The following DOCK8 variants were observed in gnomAD, a reference collection of about 807,000 sequenced individuals.
DOCK8 encodes dedicator of cytokinesis protein 8.
A neutral mutation model predicts 245.6 loss-of-function variants in DOCK8; 141 were observed. That is an observed-to-expected ratio of 0.57 (90% CI 0.50 to 0.66). DOCK8 has a LOEUF of 0.66. DOCK8 is among the 30% of genes least tolerant of loss of function. The probability of loss-of-function intolerance (pLI) is 0.00; values close to 1 mark genes in which losing one functional copy is unlikely to be tolerated. For synonymous variants in DOCK8, 1,168 were observed against 970.2 expected (o/e 1.20, Z -3.79); for missense variants, 2,965 against 2,603.4 (o/e 1.14, Z -3.02).
In DOCK8 at chr9:414,790, A is replaced by G; in HGVS notation, c.3539A>G (p.Lys1180Arg). The G allele has an allele frequency of 6.2e-7, 1 of 1,614,232 alleles. No individual in the cohort carries two copies. The highest frequency in any genetic ancestry group is 2.2e-5 in the East Asian group (1 of 44,892). Residue 1180 changes from lysine (K) to arginine (R), a missense_variant, in exon 29 of 48, where the codon AAA becomes AGA. By Grantham distance (26) the Lys-to-Arg change is conservative. Around this residue, in one of 3 missense-constraint regions of DOCK8, gnomAD observed 2,825 missense variants for 2,453.5 expected, o/e 1.15. Coordinates refer to ENST00000432829, the MANE Select transcript of DOCK8 (RefSeq NM_203447.4). Reference sequence around the variant, plus strand: ...CTGTGTTGTGCCAACAGAATCAGCAAAGTACAAAGGAAAGCTGTCAGTGCA... The same window carrying G: ...CTGTGTTGTGCCAACAGAATCAGCAGAGTACAAAGGAAAGCTGTCAGTGCA... ...ALDAEGEGIS[K>R]VQRKAVSAIH...
intron 2 of DOCK8, among the ~76,000 whole-genome samples, chr9:278,141 G>T (rs1440841019): frequency 6.6e-6 from 1 of 152,212 alleles, no homozygotes; most frequent in African/African-American, 2.4e-5. Flanking sequence ...CAGGCATTCT[G>T]CACACAGAGC....
At chr9:378,421 C>T (rs748967788) in intron 20 of DOCK8, among the ~76,000 whole-genome samples, 12 of 152,220 alleles carry the variant, frequency 7.9e-5, no homozygotes, top group Admixed American at 3.9e-4. Flanking sequence ...TGAAGTGAGA[C>T]GGCTTTTAGA....
intron 43 of DOCK8, 87 bp downstream of exon 43, chr9:443,603 G>C: frequency 9.3e-7 from 1 of 1,076,482 alleles, no homozygotes; most frequent in Non-Finnish European, 1.4e-6. Context: ...CATCTATCTG[G>C]ACTCTCCAAG....
intron 24 of DOCK8, among the ~76,000 whole-genome samples, chr9:395,761 T>C (rs1201935904): frequency 6.6e-6 from 1 of 152,090 alleles, no homozygotes. Context: ...CAAGAAGATG[T>C]CCAAAAAATA....
Position 419,768 on chromosome 9 carries a change from T to C in DOCK8, c.3841-633T>C, listed in dbSNP as rs193300055. Among the ~76,000 whole-genome samples, 157 of 152,284 alleles carry C rather than the reference T, an allele frequency of 1.0e-3. 1 individual carries two copies. The highest frequency in any genetic ancestry group is 3.7e-3 in the African/African-American group (155 of 41,570). On this transcript the variant is annotated intron_variant, in intron 30 of 47. Transcript: ENST00000432829. ...CTCAGCACTTTAAAATGAATACTTG[T>C]GGCCAAAATATTAAAGCAAATAGCC...
intron 1 of DOCK8, among the ~76,000 whole-genome samples, chr9:238,806 A>G (rs1441444748): frequency 6.6e-6 from 1 of 152,244 alleles, no homozygotes; most frequent in Non-Finnish European, 1.5e-5. Flanking sequence ...TATAAGAAAA[A>G]TTAATGCAAA....
intron 37 of DOCK8, among the ~76,000 whole-genome samples, chr9:433,227 C>T (rs2056780056): frequency 6.6e-6 from 1 of 151,386 alleles, no homozygotes. Flanking sequence ...TAATAAAGGT[C>T]TTCAGTGCCT....
At chr9:441,058 T>C (rs1345158562) in intron 40 of DOCK8, among the ~76,000 whole-genome samples, 1 of 152,024 alleles carries the variant, frequency 6.6e-6, no homozygotes, top group Non-Finnish European at 1.5e-5. Flanking sequence ...CCCCGAAAGC[T>C]CTTCTCCTTA....
intron 1 of DOCK8, among the ~76,000 whole-genome samples, chr9:255,833 T>C (rs1563844946): frequency 6.6e-6 from 1 of 152,152 alleles, no homozygotes; most frequent in Non-Finnish European, 1.5e-5. Context: ...ATTATTTTAA[T>C]ATTGCACATA....
intron 1 of DOCK8, among the ~76,000 whole-genome samples, chr9:261,837 GGA>G (rs1323895523): frequency 6.6e-6 from 1 of 152,026 alleles, no homozygotes; most frequent in Non-Finnish European, 1.5e-5. Context: ...TGATTATTTA[GGA>G]AATGTCTCTC....
intron 7 of DOCK8, among the ~76,000 whole-genome samples, chr9:322,782 T>G (rs1282890509): frequency 6.6e-6 from 1 of 152,150 alleles, no homozygotes; most frequent in Non-Finnish European, 1.5e-5. Context: ...CAGCAGCTGG[T>G]GAGCCTAGGC....
intron 23 of DOCK8, among the ~76,000 whole-genome samples, chr9:388,545 T>G (rs904396846): frequency 4.0e-5 from 6 of 151,522 alleles, no homozygotes; most frequent in African/African-American, 1.5e-4. Context: ...TACTGGACTC[T>G]GTGGGTAATT....
intron 28 of DOCK8, 134 bp downstream of exon 28, chr9:407,203 T>G: frequency 2.2e-6 from 3 of 1,371,318 alleles, no homozygotes; most frequent in East Asian, 5.0e-5. Context: ...TAGAAACATC[T>G]GTCTTGAGAA....
chr9:352,921 A>G (rs1042559715), intron 14 of DOCK8, among the ~76,000 whole-genome samples: 1 of 152,198 alleles, frequency 6.6e-6, no homozygotes, highest in South Asian at 2.1e-4. Flanking sequence ...TCATTCAGGG[A>G]CAAAGGGAGC....
intron 16 of DOCK8, among the ~76,000 whole-genome samples, chr9:370,800 C>T (rs1323443564): frequency 1.3e-5 from 2 of 152,170 alleles, no homozygotes; most frequent in Non-Finnish European, 2.9e-5. Context: ...AAGGGAGAGA[C>T]ACCTGCACAG....
intron 1 of DOCK8, among the ~76,000 whole-genome samples, chr9:233,684 T>C (rs1437359338): frequency 1.3e-5 from 2 of 152,200 alleles, no homozygotes; most frequent in Non-Finnish European, 2.9e-5. Context: ...TCTTTGTTGG[T>C]TGAAAGTCTG....
intron 20 of DOCK8, among the ~76,000 whole-genome samples, chr9:377,581 G>C (rs1336196484): frequency 6.6e-6 from 1 of 152,150 alleles, no homozygotes; most frequent in African/African-American, 2.4e-5. Flanking sequence ...GTTAAATGGA[G>C]GGAAGGAACT....
At chr9:342,543 C>T (rs2051660230) in intron 14 of DOCK8, among the ~76,000 whole-genome samples, 1 of 151,562 alleles carries the variant, frequency 6.6e-6, no homozygotes, top group Non-Finnish European at 1.5e-5. Context: ...GATCTCGGTT[C>T]ACTGCAACCT....
intron 9 of DOCK8, among the ~76,000 whole-genome samples, chr9:331,334 A>G (rs185616957): frequency 4.3e-4 from 66 of 152,264 alleles, no homozygotes; most frequent in Non-Finnish European, 1.8e-4. Flanking sequence ...TGCTGTGGCA[A>G]TGGGAGGGGG....
Sources: allele counts gnomAD v4.1 joint callset (sites outside exome capture counted in the v4.1 genomes callset), GRCh38; gene constraint gnomAD v4.1.1; regional missense constraint gnomAD v4.1.1; transcripts MANE v1.5; gene names NCBI Gene and HGNC (gene_info 2026-07-23, HGNC 2026-07-21).